CNTNAP2: variants seen among roughly 807,000 people sequenced by gnomAD.
CNTNAP2 encodes contactin associated protein 2.
A neutral mutation model predicts 155.2 loss-of-function variants in CNTNAP2; 98 were observed. The ratio of observed to expected loss-of-function variants is 0.63; its 90% CI spans 0.54 to 0.75. The LOEUF is 0.75. Ranked by LOEUF, CNTNAP2 falls within the 30% of genes least tolerant of loss-of-function variation. The pLI is 0.00. For synonymous variants in CNTNAP2, 651 were observed against 631.2 expected (o/e 1.03, Z -0.47); for missense variants, 1,727 against 1,688.1 (o/e 1.02, Z -0.40).
chr7:146,292,634 G>A (rs1486084531), intron 1 of CNTNAP2, among the ~76,000 whole-genome samples: 2 of 152,152 alleles, frequency 1.3e-5, no homozygotes, highest in Non-Finnish European at 2.9e-5. Flanking sequence ...TGGGTATACT[G>A]GGAACTGAAA....
intron 7 of CNTNAP2, among the ~76,000 whole-genome samples, chr7:147,130,640 C>A (rs1801334013): frequency 6.6e-6 from 1 of 151,986 alleles, no homozygotes; most frequent in Non-Finnish European, 1.5e-5. Flanking sequence ...TTGCAAGCAA[C>A]CCTGCAAAGA....
intron 1 of CNTNAP2, among the ~76,000 whole-genome samples, chr7:146,505,247 G>T (rs906354527): frequency 2.0e-5 from 3 of 152,190 alleles, no homozygotes; most frequent in Non-Finnish European, 2.9e-5. Flanking sequence ...CCAACGGTTG[G>T]ACACATTGGT....
chr7:146,511,712 A>G (rs1797468851), intron 1 of CNTNAP2, among the ~76,000 whole-genome samples: 1 of 152,140 alleles, frequency 6.6e-6, no homozygotes, highest in African/African-American at 2.4e-5. Context: ...CATTTTATTC[A>G]TTATGAATAT....
intron 21 of CNTNAP2, among the ~76,000 whole-genome samples, chr7:148,303,144 T>G (rs1419228017): frequency 6.6e-6 from 1 of 152,088 alleles, no homozygotes; most frequent in Non-Finnish European, 1.5e-5. Flanking sequence ...TAATACACCA[T>G]GGTAACTGGG....
At chr7:147,860,603 A>G (rs1442220165) in intron 13 of CNTNAP2, among the ~76,000 whole-genome samples, 14 of 151,032 alleles carry the variant, frequency 9.3e-5, no homozygotes, top group African/African-American at 3.2e-4. Flanking sequence ...AAAAAAAAAA[A>G]GTGTTTGGCA....
At chr7:148,247,625 C>CTCTTTATT (rs373741779) in intron 20 of CNTNAP2, among the ~76,000 whole-genome samples, 2 of 105,314 alleles carry the variant, frequency 1.9e-5, no homozygotes, top group Non-Finnish European at 3.6e-5. Context: ...CTCTCTCTCT[C>CTCTTTATT]TATTTATTTA....
intron 13 of CNTNAP2, among the ~76,000 whole-genome samples, chr7:147,733,627 G>A (rs190326569): frequency 0.011 from 1,674 of 152,244 alleles, 94 homozygotes; most frequent in Admixed American, 0.087. Context: ...CCATTTTCAT[G>A]ATATTGATTC....
intron 2 of CNTNAP2, among the ~76,000 whole-genome samples, chr7:146,789,019 C>G (rs1316978249): frequency 6.6e-6 from 1 of 152,072 alleles, no homozygotes; most frequent in Non-Finnish European, 1.5e-5. Context: ...CTGATATTCA[C>G]AAATGTAGAA....
At chr7:146,149,802 A>G (rs1401271583) in intron 1 of CNTNAP2, among the ~76,000 whole-genome samples, 1 of 151,930 alleles carries the variant, frequency 6.6e-6, no homozygotes, top group East Asian at 1.9e-4. Flanking sequence ...TTTCTAGAAG[A>G]AAATATAGAA....
chr7:146,666,868 G>C (rs1030682166), intron 1 of CNTNAP2, among the ~76,000 whole-genome samples: 2 of 151,970 alleles, frequency 1.3e-5, no homozygotes, highest in Non-Finnish European at 2.9e-5. Flanking sequence ...TGAGTTTTTT[G>C]TGTATTCTAG....
intron 10 of CNTNAP2, among the ~76,000 whole-genome samples, chr7:147,409,792 A>AG (rs1468425099): frequency 8.6e-5 from 13 of 152,046 alleles, no homozygotes; most frequent in Non-Finnish European, 1.5e-5. Context: ...CCATCATGAA[A>AG]AAAAAAAAAA....
At chr7:147,969,626 A>G (rs1801295212) in intron 14 of CNTNAP2, among the ~76,000 whole-genome samples, 1 of 152,180 alleles carries the variant, frequency 6.6e-6, no homozygotes, top group Non-Finnish European at 1.5e-5. Flanking sequence ...GTTTTAGTAG[A>G]GACTTGGACA....
Position 148,074,662 on chromosome 7 carries a change from G to A in CNTNAP2, c.2384-43456G>A, listed in dbSNP as rs138899335. Among the ~76,000 whole-genome samples the A allele has an allele frequency of 2.7e-3, 416 of 151,536 alleles. 7 individuals are homozygous for A. In the East Asian group the frequency reaches 0.035, roughly 13 times the overall value. On this transcript the variant is annotated intron_variant, in intron 15 of 23. Coordinates refer to ENST00000361727, the MANE Select transcript of CNTNAP2 (RefSeq NM_014141.6). Reference sequence around the variant, plus strand: ...GAGATTGCGCCACTGCACTCCAGCCGGGGCAAAAGAGCAAGACTGTCTCAA... The same window carrying A: ...GAGATTGCGCCACTGCACTCCAGCCAGGGCAAAAGAGCAAGACTGTCTCAA...
chr7:147,211,919 A>G (rs892361556), intron 8 of CNTNAP2, among the ~76,000 whole-genome samples: 4 of 152,022 alleles, frequency 2.6e-5, no homozygotes, highest in African/African-American at 9.7e-5. Context: ...AAACAACCCC[A>G]TTAAAAAGTG....
At chr7:148,153,518 C>T (rs1805344707) in intron 17 of CNTNAP2, among the ~76,000 whole-genome samples, 1 of 152,166 alleles carries the variant, frequency 6.6e-6, no homozygotes, top group Admixed American at 6.5e-5. Flanking sequence ...CTGGATGGCC[C>T]AGCAGAAGCA....
At chr7:147,575,133 GT>G (rs1563004316) in intron 12 of CNTNAP2, among the ~76,000 whole-genome samples, 1 of 149,876 alleles carries the variant, frequency 6.7e-6, no homozygotes, top group Admixed American at 6.7e-5. Flanking sequence ...GTGTGTGTGT[GT>G]GTGTGTGTGT....
intron 1 of CNTNAP2, among the ~76,000 whole-genome samples, chr7:146,134,525 C>T (rs1797767922): frequency 6.6e-6 from 1 of 151,556 alleles, no homozygotes; most frequent in Admixed American, 6.6e-5. Flanking sequence ...TTTACCCATT[C>T]AGTATGATAT....
At chr7:146,311,607 CAAAAAAAAA>C (rs71175646) in intron 1 of CNTNAP2, 1 of 38,938 alleles carries the variant, frequency 2.6e-5, no homozygotes, top group African/African-American at 7.1e-5. Context: ...CTTGTCTTTA[CAAAAAAAAA>C]AAAAAAAAAA....
At chr7:147,494,115 A>G (rs1248183775) in intron 11 of CNTNAP2, among the ~76,000 whole-genome samples, 1 of 152,204 alleles carries the variant, frequency 6.6e-6, no homozygotes, top group African/African-American at 2.4e-5. Context: ...GCACAAGGAA[A>G]CAATCATCCC....
Sources: allele counts gnomAD v4.1 joint callset (sites outside exome capture counted in the v4.1 genomes callset), GRCh38; gene constraint gnomAD v4.1.1; transcripts MANE v1.5; gene names NCBI Gene and HGNC (gene_info 2026-07-23, HGNC 2026-07-21).